ANKRD31: variants seen among roughly 807,000 people sequenced by gnomAD.
ANKRD31 encodes the protein ankyrin repeat domain 31.
In ANKRD31, 147 loss-of-function variants were observed where a neutral mutation model predicts 186.0. The observed-to-expected ratio is 0.79, with a 90% CI of 0.69 to 0.91. ANKRD31 has a LOEUF of 0.91. Ranked by LOEUF, ANKRD31 falls within the 40% of genes least tolerant of loss-of-function variation. The pLI, the probability that ANKRD31 is intolerant of heterozygous loss-of-function variation, is 0.00. For missense variants in ANKRD31, 1,986 were observed against 2,148.8 expected, an observed-to-expected ratio of 0.92 and a Z score of 1.50; for synonymous variants, 673 against 736.4, an observed-to-expected ratio of 0.91 and a Z score of 1.39.
At chr5:75,190,047 C>A (rs570016204) in intron 9 of ANKRD31, among the ~76,000 whole-genome samples, 5 of 149,052 alleles carry the variant, frequency 3.4e-5, no homozygotes, top group African/African-American at 1.2e-4. Flanking sequence ...CCATATTCTT[C>A]TCCAGGGTAT....
chr5:75,121,174 T>A (rs1403357748), intron 17 of ANKRD31, among the ~76,000 whole-genome samples: 1 of 144,282 alleles, frequency 6.9e-6, no homozygotes, highest in African/African-American at 2.5e-5. Context: ...AGAGTGAGAC[T>A]CTATATAAAA....
intron 5 of ANKRD31, 114 bp from the exon 6 acceptor site, chr5:75,199,788 C>A: frequency 2.2e-6 from 1 of 449,436 alleles, no homozygotes; most frequent in Non-Finnish European, 3.6e-6. Flanking sequence ...AGTGACACAT[C>A]ATATATTTTA....
At chr5:75,173,933 CA>C (rs925488760) in intron 10 of ANKRD31, among the ~76,000 whole-genome samples, 2 of 151,370 alleles carry the variant, frequency 1.3e-5, no homozygotes, top group African/African-American at 4.9e-5. Flanking sequence ...CAATCCTAAG[CA>C]AAAAAAACAA....
intron 10 of ANKRD31, among the ~76,000 whole-genome samples, chr5:75,180,201 G>A (rs897861878): frequency 2.0e-5 from 3 of 152,236 alleles, no homozygotes; most frequent in East Asian, 1.9e-4. Context: ...TCTTCAAGGA[G>A]AACTACAAAC....
At chr5:75,111,723 C>T (rs1166119937) in intron 20 of ANKRD31, among the ~76,000 whole-genome samples, 1 of 152,142 alleles carries the variant, frequency 6.6e-6, no homozygotes, top group Non-Finnish European at 1.5e-5. Context: ...CAAGGGCTTG[C>T]ATATATTCAC....
chr5:75,185,417 G>A (rs1754635413), intron 10 of ANKRD31, among the ~76,000 whole-genome samples: 1 of 152,128 alleles, frequency 6.6e-6, no homozygotes, highest in Non-Finnish European at 1.5e-5. Context: ...AATTAGTTGG[G>A]CATGGTGGCG....
intron 10 of ANKRD31, among the ~76,000 whole-genome samples, chr5:75,186,135 C>T (rs1369587934): frequency 6.6e-6 from 1 of 152,090 alleles, no homozygotes; most frequent in African/African-American, 2.4e-5. Context: ...TGTAAAACCA[C>T]CCCTCCAAAA....
intron 3 of ANKRD31, among the ~76,000 whole-genome samples, chr5:75,219,890 A>G (rs1023065361): frequency 2.0e-5 from 3 of 152,200 alleles, no homozygotes; most frequent in Non-Finnish European, 4.4e-5. Flanking sequence ...GCAATGAGGA[A>G]AGAACTCCTT....
At chr5:75,095,410 C>G (rs1561413115) in intron 22 of ANKRD31, among the ~76,000 whole-genome samples, 1 of 151,802 alleles carries the variant, frequency 6.6e-6, no homozygotes, top group Non-Finnish European at 1.5e-5. Flanking sequence ...GCAGGCAGAG[C>G]TTGCAGTGAG....
At chr5:75,168,712 G>A (rs1283499820) in intron 11 of ANKRD31, among the ~76,000 whole-genome samples, 9 of 137,744 alleles carry the variant, frequency 6.5e-5, no homozygotes, top group African/African-American at 2.8e-4. Flanking sequence ...CCATATTAAA[G>A]GAGTTTTAAA....
chr5:75,216,556 G>T (rs1281353986), intron 3 of ANKRD31, among the ~76,000 whole-genome samples: 1 of 152,056 alleles, frequency 6.6e-6, no homozygotes, highest in Non-Finnish European at 1.5e-5. Flanking sequence ...TGAGTTATTA[G>T]AAGGCAAATA....
Position 75,068,572 on chromosome 5 carries a change from T to C in ANKRD31, c.5740A>G (p.Ile1914Val), listed in dbSNP as rs1374924120. The stretch of plus-strand genomic sequence containing the variant: ...CAAAACTTCCAATGCTGATCCATTA[T>C]GTGGCATGGGAGAAATTCTTGATCA... ...ISDQEFLPCH[I>V]MDQHWKFCVE... Residue 1914 changes from isoleucine to valine, a missense_variant, in exon 26 of 26, where the codon ATA becomes GTA. Coordinates refer to ENST00000506364, the MANE Select transcript of ANKRD31 (RefSeq NM_001372053.1). 3.3e-6 allele frequency: 5 copies of C among 1,528,810 alleles called. No homozygotes were observed. Among genetic ancestry groups the C allele is most frequent in the Non-Finnish European group, 4.4e-6 (5 of 1,143,434 alleles). 94.7% of individuals were successfully genotyped at this position (1,528,810 alleles called of 1,614,324 possible).
chr5:75,209,265 T>C (rs1347187701), intron 4 of ANKRD31, among the ~76,000 whole-genome samples: 2 of 152,156 alleles, frequency 1.3e-5, no homozygotes, highest in Non-Finnish European at 2.9e-5. Flanking sequence ...GTTTTCCTAA[T>C]GTTGACATAT....
At chr5:75,189,442 A>C (rs1469542098) in intron 9 of ANKRD31, among the ~76,000 whole-genome samples, 1 of 152,192 alleles carries the variant, frequency 6.6e-6, no homozygotes, top group African/African-American at 2.4e-5. Context: ...TTACAAAGGT[A>C]ACTGAGTACT....
At chr5:75,220,776 C>G (rs928516426) in intron 3 of ANKRD31, among the ~76,000 whole-genome samples, 1 of 152,072 alleles carries the variant, frequency 6.6e-6, no homozygotes, top group Non-Finnish European at 1.5e-5. Context: ...GAGATACCAG[C>G]TCACACCAGT....
intron 11 of ANKRD31, among the ~76,000 whole-genome samples, chr5:75,165,320 T>C (rs1752844170): frequency 6.6e-6 from 1 of 152,200 alleles, no homozygotes. Context: ...GAAAAAGAAC[T>C]ACCAAAATAA....
chr5:75,113,722 T>G, intron 19 of ANKRD31, among the ~76,000 whole-genome samples: 1 of 152,194 alleles, frequency 6.6e-6, no homozygotes, highest in East Asian at 1.9e-4. Context: ...AATAACCTAA[T>G]TATTTGGTAA....
chr5:75,152,404 A>G (rs1751900342), intron 12 of ANKRD31, among the ~76,000 whole-genome samples: 1 of 151,996 alleles, frequency 6.6e-6, no homozygotes, highest in African/African-American at 2.4e-5. Context: ...AGGCCCACTC[A>G]CTTCATGGTG....
chr5:75,114,456 C>T (rs1404005166), intron 19 of ANKRD31, among the ~76,000 whole-genome samples: 1 of 152,146 alleles, frequency 6.6e-6, no homozygotes, highest in African/African-American at 2.4e-5. Context: ...ATTCTGTTCA[C>T]CATCTTATCT....
Sources: gnomAD v4.1 joint callset for allele counts (sites outside exome capture counted in the v4.1 genomes callset) on GRCh38, gnomAD v4.1.1 for gene constraint, MANE v1.5 for transcripts, NCBI Gene and HGNC (gene_info 2026-07-23, HGNC 2026-07-21) for gene names.